ATG7: variants seen among roughly 807,000 people sequenced by gnomAD.
The protein encoded by ATG7 is autophagy related 7.
Under a neutral mutation model 82.4 loss-of-function variants are expected in ATG7, and 70 were observed. The observed-to-expected ratio is 0.85, with a 90% CI of 0.70 to 1.04. The LOEUF (loss-of-function observed/expected upper bound fraction) is 1.04, where lower values mean the gene tolerates loss of function less well. Among genes scored for constraint, ATG7 ranks in the 50% least tolerant of loss-of-function variants. The probability of loss-of-function intolerance (pLI) is 0.00; values close to 1 mark genes in which losing one functional copy is unlikely to be tolerated. For synonymous variants in ATG7, 287 were observed against 313.0 expected, an observed-to-expected ratio of 0.92 and a Z score of 0.88; for missense variants, 792 against 864.3, an observed-to-expected ratio of 0.92 and a Z score of 1.05.
downstream of ATG7, among the ~76,000 whole-genome samples, chr3:11,561,804 C>G (rs1390797373): frequency 6.6e-6 from 1 of 151,844 alleles, no homozygotes; most frequent in Non-Finnish European, 1.5e-5. Flanking sequence ...CCACCTGTGA[C>G]TGTCCTCAGA....
rs1363183492 is a variant in ATG7 at position 11,441,487 on chromosome 3, C to G, written c.2079+14561C>G. 2.0e-5 allele frequency among the ~76,000 whole-genome samples: 3 copies of G among 151,882 alleles called. No homozygotes were observed. The East Asian group carries it at 5.8e-4, about 29-fold the overall frequency. Reference sequence around the variant, plus strand: ...TTGCACTCGTGACCTCATGATCCACCCACCTCGGCCTCCGAAAGTGCTGGG... The same window carrying G: ...TTGCACTCGTGACCTCATGATCCACGCACCTCGGCCTCCGAAAGTGCTGGG... On this transcript the variant is annotated intron_variant, in intron 20 of 20. Coordinates refer to ENST00000693202, the MANE Select transcript of ATG7 (RefSeq NM_001349232.2).
intron 20 of ATG7, among the ~76,000 whole-genome samples, chr3:11,440,593 G>T (rs575086352): frequency 5.4e-5 from 8 of 148,230 alleles, no homozygotes; most frequent in Non-Finnish European, 1.0e-4. Context: ...CAAAGTGCTG[G>T]GATTACAGGC....
chr3:11,430,919 A>G (rs781479017), intron 20 of ATG7, among the ~76,000 whole-genome samples: 14 of 152,230 alleles, frequency 9.2e-5, no homozygotes, highest in Non-Finnish European at 2.1e-4. Flanking sequence ...TTTGGCAGAG[A>G]AAGAGTAGAG....
intron 14 of ATG7, 124 bp downstream of exon 14, chr3:11,348,159 A>G (rs1954858282): frequency 8.4e-6 from 11 of 1,306,604 alleles, no homozygotes; most frequent in Non-Finnish European, 9.4e-6. Context: ...GCCACTCGCT[A>G]TGTGGCTGAA....
chr3:11,450,146 T>A (rs1576490978), intron 20 of ATG7, among the ~76,000 whole-genome samples: 1 of 152,114 alleles, frequency 6.6e-6, no homozygotes, highest in East Asian at 1.9e-4. Context: ...TCATTAAATC[T>A]TCACAATCAC....
chr3:11,346,155 A>G (rs1198422239), intron 13 of ATG7, among the ~76,000 whole-genome samples: 1 of 152,184 alleles, frequency 6.6e-6, no homozygotes. Context: ...TCAGGACTGC[A>G]TGAGTTCACT....
intron 19 of ATG7, among the ~76,000 whole-genome samples, chr3:11,385,527 C>G (rs1033990283): frequency 6.6e-6 from 1 of 152,184 alleles, no homozygotes; most frequent in Non-Finnish European, 1.5e-5. Context: ...TTACAATAGC[C>G]ACTGTCTTCA....
At chr3:11,319,949 A>G (rs1949989517) in intron 9 of ATG7, among the ~76,000 whole-genome samples, 1 of 152,188 alleles carries the variant, frequency 6.6e-6, no homozygotes. Flanking sequence ...AGAAAAGCAG[A>G]TCTGATCGTG....
intron 20 of ATG7, among the ~76,000 whole-genome samples, chr3:11,553,316 G>T (rs904395767): frequency 6.6e-6 from 1 of 151,970 alleles, no homozygotes; most frequent in African/African-American, 2.4e-5. Context: ...TGTGAGGAGT[G>T]AAAGAGGGAG....
intron 19 of ATG7, among the ~76,000 whole-genome samples, chr3:11,398,322 C>T (rs564293850): frequency 3.5e-4 from 53 of 152,062 alleles, no homozygotes; most frequent in South Asian, 3.1e-3. Flanking sequence ...CTGGCATAGA[C>T]GGGATAATTA....
At chr3:11,366,202 G>A (rs1246114368) in intron 18 of ATG7, among the ~76,000 whole-genome samples, 1 of 142,554 alleles carries the variant, frequency 7.0e-6, no homozygotes, top group African/African-American at 2.7e-5. Flanking sequence ...CTGGGCGACA[G>A]AGTGAGACTC....
intron 19 of ATG7, among the ~76,000 whole-genome samples, chr3:11,418,566 T>TA (rs1202226410): frequency 6.6e-6 from 1 of 152,220 alleles, no homozygotes; most frequent in South Asian, 2.1e-4. Context: ...CTGGAGTTTT[T>TA]ATCACTGGGG....
chr3:11,346,725 T>G (rs898141757), intron 13 of ATG7, among the ~76,000 whole-genome samples: 1 of 152,164 alleles, frequency 6.6e-6, no homozygotes, highest in Admixed American at 6.6e-5. Context: ...AAATAAACAT[T>G]CCCAAAGCAA....
chr3:11,485,671 T>A (rs1176045854), intron 20 of ATG7, among the ~76,000 whole-genome samples: 1 of 152,238 alleles, frequency 6.6e-6, no homozygotes, highest in African/African-American at 2.4e-5. Context: ...TTTTATGGTT[T>A]TAGGTCTAAC....
At chr3:11,300,358 G>A (rs1946597390) in intron 5 of ATG7, among the ~76,000 whole-genome samples, 2 of 152,126 alleles carry the variant, frequency 1.3e-5, no homozygotes, top group Non-Finnish European at 2.9e-5. Context: ...AAAATGGCTT[G>A]CCCAGGGTCA....
chr3:11,545,536 C>T (rs1575275350), intron 20 of ATG7, among the ~76,000 whole-genome samples: 1 of 152,138 alleles, frequency 6.6e-6, no homozygotes, highest in Admixed American at 6.5e-5. Flanking sequence ...GGCCACCTCC[C>T]TGTCTCTTCT....
At chr3:11,417,948 C>T (rs940117673) in intron 19 of ATG7, among the ~76,000 whole-genome samples, 1 of 151,426 alleles carries the variant, frequency 6.6e-6, no homozygotes, top group African/African-American at 2.4e-5. Context: ...GCTGGGACTA[C>T]AGGCACCCAC....
At chr3:11,317,837 C>T (rs1351147481) in intron 9 of ATG7, among the ~76,000 whole-genome samples, 4 of 152,130 alleles carry the variant, frequency 2.6e-5, no homozygotes, top group East Asian at 1.9e-4. Context: ...GTGATCCTCC[C>T]GCCTCGCCCT....
At chr3:11,416,337 G>T (rs2081370637) in intron 19 of ATG7, among the ~76,000 whole-genome samples, 1 of 152,116 alleles carries the variant, frequency 6.6e-6, no homozygotes, top group Non-Finnish European at 1.5e-5. Context: ...TCTGGGCCTG[G>T]TGCTTTCTAT....
Sources: gnomAD v4.1 joint callset for allele counts (sites outside exome capture counted in the v4.1 genomes callset) on GRCh38, gnomAD v4.1.1 for gene constraint, MANE v1.5 for transcripts, NCBI Gene and HGNC (gene_info 2026-07-23, HGNC 2026-07-21) for gene names.